Variants in UBE4A observed in about 807,000 individuals in gnomAD.
UBE4A encodes ubiquitin conjugation factor E4 A.
A neutral mutation model predicts 117.9 loss-of-function variants in UBE4A; 48 were observed. The observed-to-expected ratio is 0.41, with a 90% CI of 0.32 to 0.52. The LOEUF (loss-of-function observed/expected upper bound fraction) is 0.52, where lower values mean the gene tolerates loss of function less well. UBE4A is among the 20% of genes least tolerant of loss of function. The pLI is 0.33. For synonymous variants in UBE4A, 407 were observed against 450.0 expected (o/e 0.90, Z 1.21); for missense variants, 1,067 against 1,296.3 (o/e 0.82, Z 2.72).
chr11:118,388,007 A>G (rs1437318518), intron 16 of UBE4A, among the ~76,000 whole-genome samples: 1 of 152,236 alleles, frequency 6.6e-6, no homozygotes, highest in Admixed American at 6.5e-5. Context: ...AGAGTTTTAA[A>G]TTCCAATGGA....
intron 19 of UBE4A, among the ~76,000 whole-genome samples, chr11:118,395,131 C>A (rs978742738): frequency 2.0e-5 from 3 of 151,984 alleles, no homozygotes; most frequent in African/African-American, 7.3e-5. Flanking sequence ...GAGTTTAAGA[C>A]CAGCCTGGTC....
intron 9 of UBE4A, among the ~76,000 whole-genome samples, chr11:118,375,685 G>T (rs1419397450): frequency 6.7e-6 from 1 of 149,966 alleles, no homozygotes; most frequent in African/African-American, 2.4e-5. Context: ...AGATGTTTGA[G>T]AGAAAAAAAA....
intron 11 of UBE4A, among the ~76,000 whole-genome samples, 187 bp downstream of exon 11, chr11:118,379,937 CT>C (rs1761802570): frequency 3.3e-5 from 5 of 152,272 alleles, no homozygotes; most frequent in Admixed American, 3.3e-4. Flanking sequence ...TTCCCTCAAC[CT>C]TGTGTCCCCC....
chr11:118,361,352 A>T (rs759349011), intron 1 of UBE4A, among the ~76,000 whole-genome samples: 4 of 152,158 alleles, frequency 2.6e-5, no homozygotes, highest in Non-Finnish European at 5.9e-5. Flanking sequence ...CCCGAATGAC[A>T]TTATTGAATA....
At position 118,397,802 on chromosome 11, in the gene UBE4A, T is replaced by C. The variant is rs1948888830; in HGVS notation, c.*1362T>C. 3.3e-5 allele frequency: 5 copies of C among 152,254 alleles called. No homozygotes were observed. In the South Asian group the frequency reaches 1.0e-3, roughly 31 times the overall value. 9.4% of individuals were successfully genotyped at this position (152,254 alleles called of 1,614,324 possible). On this transcript the variant is annotated 3_prime_UTR_variant, in exon 20 of 20. Transcript: ENST00000252108. ...GTCTCTTTCAAATAAATAGTAGTTT[T>C]ATATTTCAACACAAGTTGCTATAAG...
chr11:118,389,666 C>G, intron 16 of UBE4A, 59 bp from the exon 17 acceptor site: 1 of 1,433,806 alleles, frequency 7.0e-7, no homozygotes, highest in Non-Finnish European at 9.3e-7. Flanking sequence ...TAAACTATAC[C>G]TAATAAGGAA....
chr11:118,368,819 T>C lies in UBE4A; in HGVS notation c.295+15T>C, dbSNP rs762737293. 1 of 1,613,496 alleles carries C rather than the reference T, an allele frequency of 6.2e-7. No homozygotes were observed. Among genetic ancestry groups the C allele is most frequent in the South Asian group, 1.1e-5 (1 of 91,068 alleles). On this transcript the variant is annotated intron_variant, in intron 3 of 19. Transcript: ENST00000252108. ...TCTGGACAACAGTGAGTTACAAACT[T>C]ATAGCATTATTCTACCCTTCCTATT...
chr11:118,383,364 T>C (rs1948723870), intron 13 of UBE4A, among the ~76,000 whole-genome samples: 1 of 151,952 alleles, frequency 6.6e-6, no homozygotes, highest in East Asian at 1.9e-4. Context: ...GAGGCCAAAG[T>C]AGGCAGATCA....
intron 13 of UBE4A, 37 bp downstream of exon 13, chr11:118,382,813 G>A (rs782560840): frequency 2.7e-6 from 4 of 1,487,284 alleles, no homozygotes; most frequent in Non-Finnish European, 3.6e-6. Context: ...GAACTGGGAA[G>A]CTGATACCAG....
chr11:118,376,437 T>G, intron 9 of UBE4A, 137 bp from the exon 10 acceptor site: 1 of 1,260,230 alleles, frequency 7.9e-7, no homozygotes, highest in Non-Finnish European at 1.1e-6. Context: ...CCAAAAGATA[T>G]ATTCAGACAA....
At position 118,384,947 on chromosome 11, in the gene UBE4A, TAAAAAAAAAAA is replaced by T. The variant is rs370025001; in HGVS notation, c.2412+13_2412+23del. ...TTCCTTTTGGATGAAGCCATACAGG[TAAAAAAAAAAA>T]AAAAAAAAAAGATTTAACTTCTCCA... On this transcript the variant is annotated splice_donor_5th_base_variant and intron_variant, in intron 15 of 19. Transcript: ENST00000252108. The T allele has an allele frequency of 3.1e-4, 335 of 1,067,126 alleles. No individual in the cohort carries two copies. The African/African-American group carries it at 5.5e-3, about 18-fold the overall frequency. 66.1% of individuals were successfully genotyped at this position (1,067,126 alleles called of 1,614,324 possible).
rs202109265 is a variant in UBE4A, at chr11:118,384,642, C to G, written c.2205C>G (p.Pro735=). The change falls in exon 14 of 20, where the codon CCC becomes CCG. Residue 735 remains proline (P), a synonymous_variant. Coordinates refer to ENST00000252108, the MANE Select transcript of UBE4A (RefSeq NM_001204077.2). Reference sequence around the variant, plus strand: ...GCTCTTGCCTTACTCCAGGAGACCCCCATCAATTTGAACAGAAGTTTAATT... The same window carrying G: ...GCTCTTGCCTTACTCCAGGAGACCCGCATCAATTTGAACAGAAGTTTAATT... ...VFVDIEFTGD[P]HQFEQKFNYR... 5 of 1,613,970 alleles carry G rather than the reference C, an allele frequency of 3.1e-6. No individual in the cohort carries two copies. The East Asian group carries it at 1.1e-4, about 36-fold the overall frequency.
intron 1 of UBE4A, among the ~76,000 whole-genome samples, chr11:118,361,456 A>G (rs1445475454): frequency 6.6e-6 from 1 of 152,200 alleles, no homozygotes; most frequent in Non-Finnish European, 1.5e-5. Flanking sequence ...AACAAATCTA[A>G]ACTGGCATCT....
In UBE4A at chr11:118,382,725, C is replaced by T; in HGVS notation, c.2146C>T (p.Pro716Ser). ...KRVFCNFQYA[P>S]QLAEALIKVF... Reference sequence around the variant, plus strand: ...TGTGTTCTGCAACTTTCAGTATGCACCCCAACTTGCAGAGGCTCTAATCAA... The same window carrying T: ...TGTGTTCTGCAACTTTCAGTATGCATCCCAACTTGCAGAGGCTCTAATCAA... Residue 716 changes from proline to serine, a missense_variant, in exon 13 of 20, where the codon CCC becomes TCC. Transcript: ENST00000252108. The T allele has an allele frequency of 6.2e-7, 1 of 1,602,590 alleles. No homozygotes were observed. The highest frequency in any genetic ancestry group is 8.5e-7 in the Non-Finnish European group (1 of 1,173,362).
intron 15 of UBE4A, 72 bp from the exon 16 acceptor site, chr11:118,386,366 G>A (rs11216863): frequency 0.079 from 118,935 of 1,505,218 alleles, 4,848 homozygotes; most frequent in Admixed American, 0.086. Flanking sequence ...ATTTTGAATA[G>A]GACCTCTTAA....
chr11:118,396,544 T>TTTA lies in UBE4A; in HGVS notation c.*106_*107insATT. On this transcript the variant is annotated 3_prime_UTR_variant, in exon 20 of 20. Transcript: ENST00000252108. ...TGTTCCTTTTCTTTCTTCTTTTCTT[T>TTTA]TTCTTTTTTTTTTTTTTTTTTACTA... is the stretch of plus-strand genomic sequence containing the variant. 7.5e-7 allele frequency: 1 copy of TTTA among 1,337,734 alleles called. No homozygotes were observed. The highest frequency in any genetic ancestry group is 9.9e-7 in the Non-Finnish European group (1 of 1,009,186). The allele number at this position is 1,337,734 out of a possible 1,614,324, so 82.9% of individuals were successfully genotyped here.
chr11:118,378,137 C>T (rs1591300423), intron 10 of UBE4A, among the ~76,000 whole-genome samples: 2 of 151,560 alleles, frequency 1.3e-5, no homozygotes, highest in Admixed American at 6.6e-5. Flanking sequence ...GTCCCAGCTA[C>T]TCGGGAGGTT....
intron 12 of UBE4A, 144 bp downstream of exon 12, chr11:118,381,667 T>C: frequency 1.8e-6 from 2 of 1,112,974 alleles, no homozygotes; most frequent in Non-Finnish European, 2.5e-6. Context: ...TGACCATCCA[T>C]ATGGGTAGCC....
chr11:118,382,432 C>T (rs1255723013), intron 12 of UBE4A, among the ~76,000 whole-genome samples, 157 bp from the exon 13 acceptor site: 1 of 120,688 alleles, frequency 8.3e-6, no homozygotes, highest in African/African-American at 3.1e-5. Context: ...CCCGCCCAGC[C>T]GCACCAAGAA....
Sources: allele counts gnomAD v4.1 joint callset (sites outside exome capture counted in the v4.1 genomes callset), GRCh38; gene constraint gnomAD v4.1.1; transcripts MANE v1.5; gene names NCBI Gene and HGNC (gene_info 2026-07-23, HGNC 2026-07-21).